The following ADAM12 variants were observed in gnomAD, a reference collection of about 807,000 sequenced individuals.
ADAM12 encodes ADAM metallopeptidase domain 12, also known as disintegrin and metalloproteinase domain-containing protein 12.
A neutral mutation model predicts 106.4 loss-of-function variants in ADAM12; 70 were observed. The observed-to-expected ratio is 0.66, with a 90% CI of 0.54 to 0.80. The LOEUF (loss-of-function observed/expected upper bound fraction) is 0.80. Among genes scored for constraint, ADAM12 ranks in the 30% least tolerant of loss-of-function variants. The probability of loss-of-function intolerance (pLI) is 0.00; values close to 1 mark genes in which losing one functional copy is unlikely to be tolerated. For synonymous variants in ADAM12, 420 were observed against 433.5 expected (o/e 0.97, Z 0.39); for missense variants, 1,010 against 1,171.9 (o/e 0.86, Z 2.02).
intron 3 of ADAM12, among the ~76,000 whole-genome samples, chr10:126,266,336 G>A (rs550479131): frequency 1.5e-4 from 23 of 152,296 alleles, no homozygotes; most frequent in African/African-American, 5.5e-4. Context: ...AGGGTACTGG[G>A]ATTGACCTGG....
intron 12 of ADAM12, among the ~76,000 whole-genome samples, chr10:126,070,030 T>C (rs1351876619): frequency 6.6e-6 from 1 of 152,106 alleles, no homozygotes; most frequent in East Asian, 1.9e-4. Context: ...TCATAAGAAG[T>C]TCAAAGACAA....
At chr10:126,091,107 G>A (rs1214967584) in intron 11 of ADAM12, 2 of 152,056 alleles carry the variant, frequency 1.3e-5, no homozygotes, top group African/African-American at 4.8e-5. Flanking sequence ...GACTGCTAAG[G>A]GCACTGGGAG....
chr10:126,387,665 G>A (rs1360852608), intron 1 of ADAM12, among the ~76,000 whole-genome samples: 2 of 152,130 alleles, frequency 1.3e-5, no homozygotes, highest in Non-Finnish European at 2.9e-5. Flanking sequence ...GGGCTGGCCC[G>A]GAGCCTGGGG....
At chr10:126,380,270 T>C (rs573802244) in intron 1 of ADAM12, among the ~76,000 whole-genome samples, 1 of 152,222 alleles carries the variant, frequency 6.6e-6, no homozygotes, top group Non-Finnish European at 1.5e-5. Context: ...AAGTGTAATA[T>C]TCAATGTGCA....
At chr10:126,350,079 T>G (rs1855295995) in intron 1 of ADAM12, among the ~76,000 whole-genome samples, 1 of 152,162 alleles carries the variant, frequency 6.6e-6, no homozygotes, top group Admixed American at 6.5e-5. Context: ...TACTTGTCAC[T>G]GGCCGGCCAA....
At chr10:126,364,488 T>C (rs1185872225) in intron 1 of ADAM12, among the ~76,000 whole-genome samples, 2 of 152,184 alleles carry the variant, frequency 1.3e-5, no homozygotes, top group Non-Finnish European at 2.9e-5. Flanking sequence ...AGAATGTGTG[T>C]ATATAAACTA....
intron 5 of ADAM12, among the ~76,000 whole-genome samples, chr10:126,133,656 G>T (rs1001569281): frequency 9.9e-5 from 15 of 152,152 alleles, no homozygotes; most frequent in South Asian, 2.1e-4. Flanking sequence ...CCATCACTGG[G>T]GGGGAGGCCA....
At chr10:126,111,194 T>C (rs1955860982) in intron 6 of ADAM12, among the ~76,000 whole-genome samples, 1 of 152,188 alleles carries the variant, frequency 6.6e-6, no homozygotes, top group African/African-American at 2.4e-5. Flanking sequence ...GGAAACCTTA[T>C]GGAAAAGGAA....
chr10:126,338,933 T>A (rs1363755780), intron 1 of ADAM12, among the ~76,000 whole-genome samples: 1 of 152,042 alleles, frequency 6.6e-6, no homozygotes, highest in Admixed American at 6.5e-5. Flanking sequence ...AAACAAGTCA[T>A]TCTGCATCTA....
Position 126,123,457 on chromosome 10 carries a change from C to A in ADAM12, c.417-5233G>T, listed in dbSNP as rs75930317. ...TTTGGGAAAGATGAAGACCGTGGGTCCCTTCTCTAGAGCGACAGGAGGAGG... is the reference window on the plus strand; with the variant it reads ...TTTGGGAAAGATGAAGACCGTGGGTACCTTCTCTAGAGCGACAGGAGGAGG... On this transcript the variant is annotated intron_variant, in intron 5 of 22. Transcript: ENST00000448723. Among the ~76,000 whole-genome samples the A allele has an allele frequency of 4.5e-3, 678 of 152,258 alleles. 3 individuals are homozygous for A. The highest frequency in any genetic ancestry group is 7.4e-3 in the Non-Finnish European group (501 of 68,024).
intron 3 of ADAM12, among the ~76,000 whole-genome samples, chr10:126,169,150 C>G (rs1471245): frequency 0.098 from 14,876 of 152,110 alleles, 2,098 homozygotes; most frequent in African/African-American, 0.31. Flanking sequence ...CTGTGGCCTC[C>G]CTTTGGTTTC....
At chr10:126,163,374 G>A (rs11244857) in intron 3 of ADAM12, among the ~76,000 whole-genome samples, 46,351 of 152,064 alleles carry the variant, frequency 0.3, 7,726 homozygotes, top group Non-Finnish European at 0.38. Flanking sequence ...CTTTTTGGCC[G>A]AGTACTGTAT....
intron 11 of ADAM12, among the ~76,000 whole-genome samples, chr10:126,088,289 TGGAGTAAATGA>T (rs1287908782): frequency 6.6e-6 from 1 of 152,050 alleles, no homozygotes; most frequent in African/African-American, 2.4e-5. Context: ...TAAATACTAG[TGGAGTAAATGA>T]GTGGCTTTGC....
chr10:126,099,562 AG>A (rs1955621151), intron 9 of ADAM12, among the ~76,000 whole-genome samples: 1 of 152,268 alleles, frequency 6.6e-6, no homozygotes, highest in African/African-American at 2.4e-5. Context: ...CAAGTTGGAC[AG>A]ACTCCATTTG....
intron 3 of ADAM12, among the ~76,000 whole-genome samples, chr10:126,230,409 A>C (rs1958287521): frequency 6.6e-6 from 1 of 152,218 alleles, no homozygotes; most frequent in Non-Finnish European, 1.5e-5. Context: ...TTTCCTGAGG[A>C]TAAATCCCTG....
intron 3 of ADAM12, among the ~76,000 whole-genome samples, chr10:126,166,828 C>A (rs532085576): frequency 3.3e-5 from 5 of 152,206 alleles, no homozygotes; most frequent in African/African-American, 7.2e-5. Context: ...AGTATAAGAT[C>A]TATCAAGTTT....
At position 126,049,430 on chromosome 10, in the gene ADAM12, G is replaced by A; in HGVS notation, c.1740C>T (p.Ile580=). 2 of 1,614,174 alleles carry A rather than the reference G, an allele frequency of 1.2e-6. No individual in the cohort carries two copies. The highest frequency in any genetic ancestry group is 1.7e-6 in the Non-Finnish European group (2 of 1,180,036). ...GCCGGCTGGCACCTCCTTGACACTG[G>A]ATTTTTCCACATTTAGCATCTCTGG... ...CEMRDAKCGK[I]QCQGGASRPV... is the part of the protein sequence containing the mutation. The change falls in exon 16 of 23, where the codon ATC becomes ATT. Residue 580 remains isoleucine (I), a synonymous_variant. Transcript: ENST00000448723. This position sits in a 1 kb window ranked among gnomAD's most constrained non-coding sequence, Gnocchi z 4.4.
chr10:126,128,682 TGTG>T (rs1281084492), intron 5 of ADAM12, among the ~76,000 whole-genome samples: 1 of 135,102 alleles, frequency 7.4e-6, no homozygotes, highest in Non-Finnish European at 1.5e-5. Context: ...TGTGCGAGTG[TGTG>T]GTGTGTGTGT....
intron 2 of ADAM12, among the ~76,000 whole-genome samples, chr10:126,302,271 C>T (rs1017454912): frequency 2.1e-4 from 32 of 152,178 alleles, no homozygotes; most frequent in African/African-American, 7.0e-4. Flanking sequence ...TTGGACTATC[C>T]TTTTACAAGA....
Sources: allele counts gnomAD v4.1 joint callset (sites outside exome capture counted in the v4.1 genomes callset), GRCh38; gene constraint gnomAD v4.1.1; non-coding constraint Gnocchi (gnomAD v3.1); transcripts MANE v1.5; gene names NCBI Gene and HGNC (gene_info 2026-07-23, HGNC 2026-07-21).